The following SLC2A2 variants were observed in gnomAD, a reference collection of about 807,000 sequenced individuals.
The protein encoded by SLC2A2 is solute carrier family 2 member 2.
In SLC2A2, 36 loss-of-function variants were observed where a neutral mutation model predicts 54.5. The observed-to-expected ratio is 0.66, with a 90% CI of 0.51 to 0.87. The LOEUF (loss-of-function observed/expected upper bound fraction) is 0.87. SLC2A2 is among the 40% of genes least tolerant of loss of function. The pLI, the probability that SLC2A2 is intolerant of heterozygous loss-of-function variation, is 0.00. For missense variants in SLC2A2, 543 were observed against 624.3 expected (o/e 0.87, Z 1.39); for synonymous variants, 223 against 219.1 (o/e 1.02, Z -0.16).
At chr3:171,026,195 G>A (rs1331434418) in intron 1 of SLC2A2, among the ~76,000 whole-genome samples, 2 of 152,020 alleles carry the variant, frequency 1.3e-5, no homozygotes, top group Non-Finnish European at 2.9e-5. Context: ...TTCCCTTATT[G>A]CTATTTTTTT....
chr3:171,005,204 A>T, intron 7 of SLC2A2, 81 bp downstream of exon 7: 1 of 1,115,574 alleles, frequency 9.0e-7, no homozygotes, highest in Non-Finnish European at 1.4e-6. Flanking sequence ...AATATCTTTT[A>T]GCTATTTAAA....
chr3:171,014,377 C>T, intron 3 of SLC2A2, 92 bp downstream of exon 3: 2 of 1,409,356 alleles, frequency 1.4e-6, no homozygotes, highest in Non-Finnish European at 2.0e-6. Flanking sequence ...AAAGCTATTC[C>T]ACAAGAAGAA....
In SLC2A2 at chr3:170,999,065, C is replaced by T. The variant is rs1385572396; in HGVS notation, c.1170G>A (p.Leu390=). ...ACCTCAGTGCAGGCACCAAACTTAC[C>T]AGCAGCACAAGTCCCACTGACATGA... The part of the protein sequence containing the change: ...AIFMSVGLVL[L]NKFSWMSYVS... The change falls in exon 9 of 11, where the codon CTG becomes CTA. Residue 390 remains leucine (L), a splice_region_variant and synonymous_variant. Transcript: ENST00000314251. 6.2e-7 allele frequency: 1 copy of T among 1,606,858 alleles called. No homozygotes were observed. Among genetic ancestry groups the T allele is most frequent in the African/African-American group, 1.3e-5 (1 of 74,722 alleles).
At chr3:170,999,665 A>G (rs556570894) in intron 8 of SLC2A2, among the ~76,000 whole-genome samples, 2 of 152,056 alleles carry the variant, frequency 1.3e-5, no homozygotes, top group African/African-American at 4.8e-5. Flanking sequence ...ATTCTCATCC[A>G]ATTTTCTCAC....
At chr3:171,003,181 A>ATAAT (rs1180288694) in intron 7 of SLC2A2, among the ~76,000 whole-genome samples, 1 of 151,988 alleles carries the variant, frequency 6.6e-6, no homozygotes, top group East Asian at 1.9e-4. Context: ...ATGGAACCAC[A>ATAAT]TAATATGTAT....
At chr3:171,026,047 A>T (rs1716675324) in intron 1 of SLC2A2, among the ~76,000 whole-genome samples, 1 of 152,142 alleles carries the variant, frequency 6.6e-6, no homozygotes, top group Non-Finnish European at 1.5e-5. Context: ...TTCACCCCTA[A>T]ATACTTTAGC....
At chr3:171,009,912 GGTGTGTGTGT>G (rs71176588) in intron 4 of SLC2A2, 36 bp downstream of exon 4, 172 of 1,325,486 alleles carry the variant, frequency 1.3e-4, no homozygotes, top group Non-Finnish European at 1.2e-4. Flanking sequence ...GACAAAGGTA[GGTGTGTGTGT>G]GTGTGTGTGT....
At chr3:171,012,108 TGTC>T (rs1050946092) in intron 3 of SLC2A2, among the ~76,000 whole-genome samples, 14 of 152,226 alleles carry the variant, frequency 9.2e-5, no homozygotes, top group East Asian at 3.9e-4. Context: ...TCATGGTCAT[TGTC>T]GTCATCATCA....
chr3:171,019,108 TATATATATATATATAC>T (rs1188672820), intron 1 of SLC2A2, among the ~76,000 whole-genome samples: 1 of 5,618 alleles, frequency 1.8e-4, no homozygotes, highest in African/African-American at 1.5e-3. Context: ...TATATATATA[TATATATATATATATAC>T]GTATGTATAT....
In SLC2A2 at chr3:170,999,119, TC is replaced by T. The variant is rs1553785213; in HGVS notation, c.1115del (p.Gly372GlufsTer2). 1 of 1,612,984 alleles carries T rather than the reference TC, an allele frequency of 6.2e-7. No homozygotes were observed. On this transcript the variant is annotated frameshift_variant, in exon 9 of 11. Coordinates refer to ENST00000314251, the MANE Select transcript of SLC2A2 (RefSeq NM_000340.2). LOFTEE classifies it high-confidence loss of function. Reference sequence around the variant, plus strand: ...TGGCACAAACAAACATCCCACTCATTCCAATTAGAAAGAGAGAACGTCGCCC... The same window carrying T: ...TGGCACAAACAAACATCCCACTCATTCAATTAGAAAGAGAGAACGTCGCCC... ...KAGRRSLFLIGMSGMFVCAIF... is the reference protein window; with the variant it reads ...KAGRRSLFLIXMSGMFVCAIF...
chr3:171,014,824 C>T, intron 2 of SLC2A2, 93 bp from the exon 3 acceptor site: 1 of 967,664 alleles, frequency 1.0e-6, no homozygotes, highest in Non-Finnish European at 1.6e-6. Context: ...TTAAATAGTA[C>T]CATCTCAATT....
At position 171,005,999 on chromosome 3, in the gene SLC2A2, G is replaced by T. The variant is rs1715583378; in HGVS notation, c.719C>A (p.Pro240Gln). Residue 240 changes from proline to glutamine, a missense_variant, in exon 6 of 11, where the codon CCA (proline) becomes CAA (glutamine). This residue lies in a region of SLC2A2 where 318 missense variants were observed against 343.8 expected (regional missense o/e 0.93). Coordinates refer to ENST00000314251, the MANE Select transcript of SLC2A2 (RefSeq NM_000340.2). ...GATGTAAAGGTATCTGGGGCTTTCT[G>T]GACAGAAAAAGAGTAGCAGAGACTG... ...ILQSLLLFFCPESPRYLYIKL... is the reference protein window; with the variant it reads ...ILQSLLLFFCQESPRYLYIKL... 2 of 1,612,458 alleles carry T rather than the reference G, an allele frequency of 1.2e-6. No individual in the cohort carries two copies. The highest frequency in any genetic ancestry group is 1.7e-6 in the Non-Finnish European group (2 of 1,179,060).
chr3:171,000,970 C>T (rs1715307218), intron 8 of SLC2A2, among the ~76,000 whole-genome samples: 1 of 151,826 alleles, frequency 6.6e-6, no homozygotes, highest in Non-Finnish European at 1.5e-5. Flanking sequence ...GATCTGTAGT[C>T]CTGGAGGCTT....
rs1449127326 is a variant in SLC2A2 at position 171,026,641 on chromosome 3, A to T, written c.15+15T>A. 1 of 1,610,578 alleles carries T rather than the reference A, an allele frequency of 6.2e-7. No individual in the cohort carries two copies. Among genetic ancestry groups the T allele is most frequent in the Non-Finnish European group, 8.5e-7 (1 of 1,176,804 alleles). Reference sequence around the variant, plus strand: ...CCTGAAAACCAGACTTGAAATGAATATAATGCTGCTTTACCTTATCTTCTG... The same window carrying T: ...CCTGAAAACCAGACTTGAAATGAATTTAATGCTGCTTTACCTTATCTTCTG... On this transcript the variant is annotated intron_variant, in intron 1 of 10. Transcript: ENST00000314251.
At chr3:171,007,506 A>G (rs141825472) in intron 4 of SLC2A2, 11 of 499,256 alleles carry the variant, frequency 2.2e-5, no homozygotes, top group African/African-American at 2.1e-4. Flanking sequence ...ACAGTTCTTC[A>G]TTACATCATC....
Position 171,007,149 on chromosome 3 carries a change from T to C in SLC2A2, c.611A>G (p.Gln204Arg). The C allele has an allele frequency of 6.3e-7, 1 of 1,597,194 alleles. No individual in the cohort carries two copies. The highest frequency in any genetic ancestry group is 8.6e-7 in the Non-Finnish European group (1 of 1,165,188). ...LAIVTGILIS[Q>R]IIGLEFILGN... is the part of the protein sequence containing the mutation. Reference sequence around the variant, plus strand: ...GGGATAAGGATGGGGAGTTTTTACCTGACTAATAAGAATGCCCGTGACGAT... The same window carrying C: ...GGGATAAGGATGGGGAGTTTTTACCCGACTAATAAGAATGCCCGTGACGAT... Residue 204 changes from glutamine to arginine, a missense_variant and splice_region_variant, in exon 5 of 11, where the codon CAG becomes CGG. Coordinates refer to ENST00000314251, the MANE Select transcript of SLC2A2 (RefSeq NM_000340.2).
chr3:171,007,117 G>T, intron 5 of SLC2A2, 31 bp downstream of exon 5: 2 of 1,194,958 alleles, frequency 1.7e-6, no homozygotes, highest in Non-Finnish European at 2.5e-6. Context: ...GTAGATGGGT[G>T]CAGTAGGGGA....
chr3:171,026,341 A>G (rs974762890), intron 1 of SLC2A2, among the ~76,000 whole-genome samples: 9 of 145,130 alleles, frequency 6.2e-5, no homozygotes, highest in African/African-American at 2.0e-4. Flanking sequence ...ATGAGTTTTC[A>G]TGATTAAATT....
chr3:170,998,472 G>A (rs1715199726), intron 9 of SLC2A2, 76 bp from the exon 10 acceptor site: 2 of 1,109,734 alleles, frequency 1.8e-6, no homozygotes, highest in East Asian at 2.4e-5. Context: ...TAGCCTCTGA[G>A]TTCACAGGCG....
Sources: gnomAD v4.1 joint callset for allele counts (sites outside exome capture counted in the v4.1 genomes callset) on GRCh38, gnomAD v4.1.1 for gene constraint, gnomAD v4.1.1 regional missense constraint, MANE v1.5 for transcripts, NCBI Gene and HGNC (gene_info 2026-07-23, HGNC 2026-07-21) for gene names.